The following KCNN2 variants were observed in gnomAD, a reference collection of about 807,000 sequenced individuals.
KCNN2 encodes small conductance calcium-activated potassium channel protein 2.
KCNN2 carries 24 observed loss-of-function variants against 55.5 expected under a neutral mutation model. That is an observed-to-expected ratio of 0.43 (90% CI 0.31 to 0.61). The LOEUF is 0.61. Among genes scored for constraint, KCNN2 ranks in the 20% least tolerant of loss-of-function variants. The pLI is 0.08. For missense variants in KCNN2, 754 were observed against 853.6 expected, an observed-to-expected ratio of 0.88 and a Z score of 1.45; for synonymous variants, 431 against 336.1, an observed-to-expected ratio of 1.28 and a Z score of -3.09.
chr5:114,125,794 T>C (rs773609582), intron 1 of KCNN2, among the ~76,000 whole-genome samples: 3 of 152,202 alleles, frequency 2.0e-5, no homozygotes, highest in Non-Finnish European at 2.9e-5. Flanking sequence ...TTACAGCATC[T>C]TCCCTCCATA....
chr5:114,261,019 T>C (rs752937892), intron 2 of KCNN2, among the ~76,000 whole-genome samples: 1 of 152,204 alleles, frequency 6.6e-6, no homozygotes, highest in Non-Finnish European at 1.5e-5. Flanking sequence ...ATTTTTCTGG[T>C]GTGGTTATAT....
chr5:114,442,368 A>C, intron 3 of KCNN2, among the ~76,000 whole-genome samples: 1 of 139,532 alleles, frequency 7.2e-6, no homozygotes. Flanking sequence ...ACATTTATGT[A>C]GTGATTTTAA....
At chr5:114,358,048 C>T (rs1757331079), upstream of KCNN2, among the ~76,000 whole-genome samples, 1 of 151,214 alleles carries the variant, frequency 6.6e-6, no homozygotes, top group African/African-American at 2.4e-5. Flanking sequence ...CTCTGATGGC[C>T]AGTGATGATG....
At chr5:114,158,561 G>A (rs1309543373) in intron 1 of KCNN2, among the ~76,000 whole-genome samples, 1 of 151,938 alleles carries the variant, frequency 6.6e-6, no homozygotes, top group Non-Finnish European at 1.5e-5. Context: ...TAGCTTGATG[G>A]GGATGGCATT....
intron 1 of KCNN2, among the ~76,000 whole-genome samples, chr5:114,142,198 T>C (rs1017757394): frequency 2.0e-4 from 31 of 152,210 alleles, no homozygotes; most frequent in Non-Finnish European, 1.2e-4. Flanking sequence ...AGACATGAAG[T>C]CCTTGTCCAT....
intron 2 of KCNN2, among the ~76,000 whole-genome samples, chr5:114,347,955 C>T (rs1757141077): frequency 1.3e-5 from 2 of 152,046 alleles, no homozygotes; most frequent in Admixed American, 6.6e-5. Flanking sequence ...TAAGTCTGAT[C>T]CTAGTATTAC....
chr5:114,383,676 C>T (rs1580773986), intron 2 of KCNN2, among the ~76,000 whole-genome samples: 1 of 152,164 alleles, frequency 6.6e-6, no homozygotes, highest in East Asian at 1.9e-4. Flanking sequence ...CCATGTTGGC[C>T]AGGCTGGTCT....
At chr5:114,452,712 A>C (rs532932599) in intron 3 of KCNN2, among the ~76,000 whole-genome samples, 1 of 152,254 alleles carries the variant, frequency 6.6e-6, no homozygotes, top group Admixed American at 6.5e-5. Context: ...ATTCCTTTTA[A>C]CACTTCCCAG....
chr5:114,146,054 T>C (rs561113236), intron 1 of KCNN2, among the ~76,000 whole-genome samples: 44 of 152,282 alleles, frequency 2.9e-4, no homozygotes, highest in African/African-American at 8.4e-4. Context: ...AGGTTGATGT[T>C]CACCTGGGGA....
At chr5:114,170,732 T>C (rs2112542457) in intron 1 of KCNN2, among the ~76,000 whole-genome samples, 1 of 152,132 alleles carries the variant, frequency 6.6e-6, no homozygotes, top group East Asian at 1.9e-4. Context: ...TCTCTCAATT[T>C]TTTTCCAAAA....
At position 114,101,547 on chromosome 5, in the gene KCNN2, C is replaced by T. The variant is rs187530991; in HGVS notation, c.-271+45047C>T. Among the ~76,000 whole-genome samples the T allele has an allele frequency of 6.7e-4, 102 of 151,764 alleles. 3 individuals are homozygous for T. The East Asian group carries it at 0.018, about 26-fold the overall frequency. ...TTTGCTGCACCCATCAACCTGTCGT[C>T]TGCAATTAGGTATTTCTCCTAATGC... On this transcript the variant is annotated intron_variant, in intron 1 of 10. Coordinates refer to the KCNN2 transcript ENST00000512097.
chr5:114,463,265 A>C, intron 4 of KCNN2, 75 bp downstream of exon 4: 7 of 1,169,606 alleles, frequency 6.0e-6, no homozygotes, highest in Non-Finnish European at 8.4e-6. Flanking sequence ...CCACGTGCAT[A>C]AGTAATTGTG....
chr5:114,151,917 C>A (rs902407913), intron 1 of KCNN2, among the ~76,000 whole-genome samples: 1 of 152,102 alleles, frequency 6.6e-6, no homozygotes, highest in South Asian at 2.1e-4. Context: ...TAACACTGTA[C>A]CTTTATAGAT....
In KCNN2 at chr5:114,326,133, A is replaced by T. The variant is rs117457950; in HGVS notation, c.-184-34812A>T. On this transcript the variant is annotated intron_variant, in intron 2 of 10. Transcript: ENST00000512097. ...ATTTTGAAATTTGGGGATTGCAGGC[A>T]CGTGTGTGTGATATTTGTGTGAAGG... Among the ~76,000 whole-genome samples, 599 of 152,304 alleles carry T rather than the reference A, an allele frequency of 3.9e-3. 4 individuals carry two copies. The highest frequency in any genetic ancestry group is 0.011 in the African/African-American group (473 of 41,570).
chr5:114,448,000 TTG>T (rs1760490458), intron 3 of KCNN2, among the ~76,000 whole-genome samples: 1 of 152,228 alleles, frequency 6.6e-6, no homozygotes, highest in Non-Finnish European at 1.5e-5. Context: ...CATGATCTAT[TTG>T]TGGATAGTGC....
At chr5:114,270,790 C>T (rs944743612) in intron 2 of KCNN2, among the ~76,000 whole-genome samples, 8 of 152,130 alleles carry the variant, frequency 5.3e-5, no homozygotes, top group Non-Finnish European at 7.4e-5. Flanking sequence ...AATGAAGCCA[C>T]GGACCCTCGT....
intron 1 of KCNN2, among the ~76,000 whole-genome samples, chr5:114,142,092 T>C (rs1444303742): frequency 2.0e-5 from 3 of 152,194 alleles, no homozygotes; most frequent in Non-Finnish European, 4.4e-5. Context: ...GCCAGTTCAC[T>C]CTGATGGTAG....
At chr5:114,275,179 G>A (rs1200679940) in intron 2 of KCNN2, among the ~76,000 whole-genome samples, 5 of 152,170 alleles carry the variant, frequency 3.3e-5, no homozygotes, top group Non-Finnish European at 5.9e-5. Flanking sequence ...TCCCAGGGAT[G>A]AAGCTGACTT....
chr5:114,313,399 T>A (rs1756443056), intron 2 of KCNN2, among the ~76,000 whole-genome samples: 1 of 152,162 alleles, frequency 6.6e-6, no homozygotes, highest in African/African-American at 2.4e-5. Context: ...CATTTGTATG[T>A]ATATAGCTAC....
Sources: gnomAD v4.1 joint callset for allele counts (sites outside exome capture counted in the v4.1 genomes callset) on GRCh38, gnomAD v4.1.1 for gene constraint, MANE v1.5 for transcripts, NCBI Gene and HGNC (gene_info 2026-07-23, HGNC 2026-07-21) for gene names.